The following FGF14 variants were observed in gnomAD, a reference collection of about 807,000 sequenced individuals.
The protein encoded by FGF14 is fibroblast growth factor 14.
Under a neutral mutation model 25.5 loss-of-function variants are expected in FGF14, and 5 were observed. The ratio of observed to expected loss-of-function variants is 0.20; its 90% confidence interval spans 0.10 to 0.41. FGF14 has a LOEUF of 0.41. Among genes scored for constraint, FGF14 ranks in the 10% least tolerant of loss-of-function variants. The pLI, the probability that FGF14 is intolerant of heterozygous loss-of-function variation, is 1.00. For synonymous variants in FGF14, 138 were observed against 118.3 expected, an observed-to-expected ratio of 1.17 and a Z score of -1.08; for missense variants, 222 against 320.1, an observed-to-expected ratio of 0.69 and a Z score of 2.34.
At chr13:102,195,054 A>C (rs2049290097) in intron 1 of FGF14, among the ~76,000 whole-genome samples, 1 of 152,200 alleles carries the variant, frequency 6.6e-6, no homozygotes, top group Non-Finnish European at 1.5e-5. Context: ...AGACATTGCC[A>C]TATAAACAAA....
chr13:102,153,238 T>C lies in FGF14; in HGVS notation c.208+248233A>G, dbSNP rs563735668. 5.3e-5 allele frequency among the ~76,000 whole-genome samples: 8 copies of C among 152,356 alleles called. No individual in the cohort carries two copies. In the South Asian group the frequency reaches 1.0e-3, roughly 20 times the overall value. On this transcript the variant is annotated intron_variant, in intron 1 of 4. Transcript: ENST00000376131. ...AAGATTAGCTGCTGCTCTGTTGTTC[T>C]GTTGAGAGAGAAAGAAAAAGAACTA...
intron 1 of FGF14, among the ~76,000 whole-genome samples, chr13:102,061,528 G>C (rs1377871649): frequency 1.3e-5 from 2 of 152,202 alleles, no homozygotes; most frequent in African/African-American, 4.8e-5. Flanking sequence ...CACTTTTATA[G>C]ACAAATAATG....
intron 1 of FGF14, among the ~76,000 whole-genome samples, chr13:102,124,584 G>C (rs929468909): frequency 2.0e-5 from 3 of 152,096 alleles, no homozygotes; most frequent in Non-Finnish European, 4.4e-5. Context: ...GAATGCACCA[G>C]TATGGATACA....
At chr13:101,887,292 G>A (rs929529358) in intron 1 of FGF14, among the ~76,000 whole-genome samples, 16 of 150,418 alleles carry the variant, frequency 1.1e-4, no homozygotes, top group African/African-American at 4.9e-5. Flanking sequence ...AATGGACAAA[G>A]AAAATGTGAT....
intron 1 of FGF14, among the ~76,000 whole-genome samples, chr13:102,016,505 C>T (rs1438246137): frequency 6.6e-6 from 1 of 152,092 alleles, no homozygotes; most frequent in Non-Finnish European, 1.5e-5. Context: ...TAGACCTAAA[C>T]ATAATGTGAG....
chr13:102,259,326 C>T (rs1369387182), intron 1 of FGF14, among the ~76,000 whole-genome samples: 1 of 152,194 alleles, frequency 6.6e-6, no homozygotes, highest in African/African-American at 2.4e-5. Context: ...GAGCACATCC[C>T]CACCCCCTGC....
chr13:101,857,000 T>A (rs2044160182), intron 3 of FGF14, among the ~76,000 whole-genome samples: 1 of 151,992 alleles, frequency 6.6e-6, no homozygotes, highest in African/African-American at 2.4e-5. Context: ...GATGTTTACA[T>A]TAACGGGGAG....
intron 1 of FGF14, among the ~76,000 whole-genome samples, chr13:101,989,650 C>G (rs2038789077): frequency 1.3e-5 from 2 of 152,064 alleles, no homozygotes; most frequent in South Asian, 2.1e-4. Flanking sequence ...TGGCTTAAAG[C>G]TTACAAATAC....
chr13:102,292,400 A>T lies in FGF14; in HGVS notation c.208+109071T>A, dbSNP rs529270382. 2.6e-5 allele frequency: 4 copies of T among 151,094 alleles called. No homozygotes were observed. The East Asian group carries it at 7.9e-4, about 30-fold the overall frequency. The allele number at this position is 151,094 out of a possible 1,614,324, so 9.4% of individuals were successfully genotyped here. ...AGGATATTACCTTCCAGAATTTCTG[A>T]TGTAACAGGAAAGAGTAAGATCAGT... On this transcript the variant is annotated intron_variant, in intron 1 of 4. Coordinates refer to the FGF14 transcript ENST00000376131.
At chr13:101,751,902 C>T (rs970185197) in intron 3 of FGF14, among the ~76,000 whole-genome samples, 1 of 151,888 alleles carries the variant, frequency 6.6e-6, no homozygotes, top group Non-Finnish European at 1.5e-5. Context: ...GAAACCTTCT[C>T]TGGGGGAAAA....
intron 3 of FGF14, among the ~76,000 whole-genome samples, chr13:101,821,054 T>G (rs2042122332): frequency 6.7e-6 from 1 of 148,326 alleles, no homozygotes; most frequent in Non-Finnish European, 1.5e-5. Flanking sequence ...ATTCACGCCA[T>G]TCTCCTGCCT....
chr13:102,065,385 C>T (rs1377682516), intron 1 of FGF14, among the ~76,000 whole-genome samples: 2 of 152,038 alleles, frequency 1.3e-5, no homozygotes, highest in Non-Finnish European at 2.9e-5. Flanking sequence ...TTTCAATCAA[C>T]AACAATGTCC....
intron 1 of FGF14, among the ~76,000 whole-genome samples, chr13:102,066,668 T>C (rs1047956569): frequency 1.3e-5 from 2 of 152,232 alleles, no homozygotes; most frequent in African/African-American, 4.8e-5. Flanking sequence ...GAAGTATTTC[T>C]CTTCACATAC....
intron 1 of FGF14, among the ~76,000 whole-genome samples, chr13:102,062,422 C>T (rs1208247420): frequency 4.6e-5 from 7 of 151,920 alleles, no homozygotes; most frequent in Admixed American, 2.0e-4. Flanking sequence ...AGCAAAAATA[C>T]GACTAGTAAA....
intron 1 of FGF14, among the ~76,000 whole-genome samples, chr13:102,288,649 A>G (rs902874917): frequency 1.3e-5 from 2 of 152,130 alleles, no homozygotes; most frequent in Middle Eastern, 3.4e-3. Context: ...CAGTGGCAAG[A>G]TCTCAGCTCA....
intron 1 of FGF14, among the ~76,000 whole-genome samples, chr13:102,284,801 C>T (rs767036260): frequency 2.8e-4 from 43 of 152,096 alleles, no homozygotes; most frequent in Middle Eastern, 3.4e-3. Context: ...GTATTTTTTA[C>T]CGAGGAGTAA....
chr13:101,844,404 C>T (rs890774803), intron 3 of FGF14, among the ~76,000 whole-genome samples: 4 of 152,074 alleles, frequency 2.6e-5, no homozygotes, highest in South Asian at 2.1e-4. Context: ...AGAAATCTTT[C>T]AGCTTTGAAG....
At chr13:102,184,694 C>T (rs1451461107) in intron 1 of FGF14, among the ~76,000 whole-genome samples, 1 of 152,096 alleles carries the variant, frequency 6.6e-6, no homozygotes. Flanking sequence ...CAAGAACATC[C>T]GTGTAGATGA....
chr13:101,914,093 T>C (rs542453021), intron 1 of FGF14, among the ~76,000 whole-genome samples: 1 of 152,090 alleles, frequency 6.6e-6, no homozygotes, highest in South Asian at 2.1e-4. Flanking sequence ...CTTTAATAAA[T>C]ATGATTTTTT....
Sources: allele counts gnomAD v4.1 joint callset (sites outside exome capture counted in the v4.1 genomes callset), GRCh38; gene constraint gnomAD v4.1.1; transcripts MANE v1.5; gene names NCBI Gene and HGNC (gene_info 2026-07-23, HGNC 2026-07-21).